SUPT3H: variants seen among roughly 807,000 people sequenced by gnomAD.
SUPT3H encodes SPT3 homolog, SAGA and STAGA complex component.
SUPT3H carries 44 observed loss-of-function variants against 44.3 expected under a neutral mutation model. The ratio of observed to expected loss-of-function variants is 0.99; its 90% CI spans 0.78 to 1.28. The LOEUF (loss-of-function observed/expected upper bound fraction) is 1.28. Ranked by LOEUF, SUPT3H falls within the 50% of genes most tolerant of loss-of-function variation. The probability of loss-of-function intolerance (pLI) is 0.00; values close to 1 mark genes in which losing one functional copy is unlikely to be tolerated. For missense variants in SUPT3H, 380 were observed against 387.1 expected (o/e 0.98, Z 0.15); for synonymous variants, 124 against 125.6 (o/e 0.99, Z 0.09).
chr6:45,229,769 G>A (rs1444877509), intron 2 of SUPT3H, among the ~76,000 whole-genome samples: 1 of 151,436 alleles, frequency 6.6e-6, no homozygotes, highest in African/African-American at 2.5e-5. Flanking sequence ...AAAAAAAAGT[G>A]TAATGATCAA....
intron 10 of SUPT3H, among the ~76,000 whole-genome samples, chr6:44,909,658 A>AGG (rs1428747586): frequency 6.6e-6 from 1 of 152,148 alleles, no homozygotes; most frequent in Non-Finnish European, 1.5e-5. Context: ...GGCACCATGC[A>AGG]GGGGCCTGTT....
At chr6:45,081,470 T>A (rs1795802193) in intron 3 of SUPT3H, among the ~76,000 whole-genome samples, 1 of 152,164 alleles carries the variant, frequency 6.6e-6, no homozygotes, top group African/African-American at 2.4e-5. Flanking sequence ...ATTTATTCAT[T>A]TACTTATTGT....
chr6:45,182,185 A>G (rs1241973278), intron 2 of SUPT3H, among the ~76,000 whole-genome samples: 1 of 152,220 alleles, frequency 6.6e-6, no homozygotes, highest in Non-Finnish European at 1.5e-5. Flanking sequence ...TATTCTGAAG[A>G]AGCCACAACT....
chr6:45,225,248 C>T lies in SUPT3H; in HGVS notation c.102-119242G>A, dbSNP rs146930292. Among the ~76,000 whole-genome samples, 249 of 149,504 alleles carry T rather than the reference C, an allele frequency of 1.7e-3. 6 individuals carry two copies. The East Asian group carries it at 0.041, about 25-fold the overall frequency. ...GAGCCAAGATTTAGCTACTGCACTC[C>T]AGCCTGGACAACAAGAGCGAAACTC... On this transcript the variant is annotated intron_variant, in intron 2 of 10. Coordinates refer to ENST00000371459, the MANE Select transcript of SUPT3H (RefSeq NM_003599.4).
intron 2 of SUPT3H, among the ~76,000 whole-genome samples, chr6:45,317,227 CAAAAAAA>C (rs70996324): frequency 8.3e-5 from 3 of 36,094 alleles, no homozygotes; most frequent in South Asian, 1.4e-3. Flanking sequence ...GACTCTGTCT[CAAAAAAA>C]AAAAAAAAAA....
intron 3 of SUPT3H, among the ~76,000 whole-genome samples, chr6:45,070,148 T>C (rs1291262813): frequency 6.6e-6 from 1 of 152,108 alleles, no homozygotes; most frequent in Admixed American, 6.6e-5. Context: ...ATGAATCCAA[T>C]GATATATCAT....
At chr6:45,061,753 A>C (rs1320412019) in intron 3 of SUPT3H, among the ~76,000 whole-genome samples, 3 of 152,144 alleles carry the variant, frequency 2.0e-5, no homozygotes, top group Non-Finnish European at 2.9e-5. Context: ...TCAATATCAG[A>C]CTAATATTTT....
intron 3 of SUPT3H, among the ~76,000 whole-genome samples, chr6:45,093,274 G>A (rs1037023967): frequency 6.6e-5 from 10 of 151,896 alleles, no homozygotes; most frequent in African/African-American, 1.2e-4. Flanking sequence ...TTAAAATTTT[G>A]TAAGTTAAAA....
chr6:45,288,569 A>ATATATATATATATGTATATATATATATG (rs1779733650), intron 2 of SUPT3H, among the ~76,000 whole-genome samples: 1 of 35,272 alleles, frequency 2.8e-5, no homozygotes, highest in Non-Finnish European at 6.6e-5. Context: ...ATATATGTAT[A>ATATATATATATATGTATATATATATATG]TATATATATA....
At chr6:45,043,142 TACACACACACAC>T (rs59321114) in intron 3 of SUPT3H, among the ~76,000 whole-genome samples, 4 of 146,768 alleles carry the variant, frequency 2.7e-5, no homozygotes, top group Admixed American at 6.8e-5. Context: ...CATACACACA[TACACACACACAC>T]ACACACACAC....
chr6:45,171,319 T>C (rs1316264723), intron 2 of SUPT3H, among the ~76,000 whole-genome samples: 1 of 152,226 alleles, frequency 6.6e-6, no homozygotes, highest in Non-Finnish European at 1.5e-5. Flanking sequence ...ATACCTTATT[T>C]AACATTATAA....
chr6:45,295,547 A>AC lies in SUPT3H; in HGVS notation c.101+69653_101+69654insG, dbSNP rs1562898045. Among the ~76,000 whole-genome samples the AC allele has an allele frequency of 2.8e-3, 364 of 128,442 alleles. 6 individuals carry two copies. The highest frequency in any genetic ancestry group is 9.9e-3 in the African/African-American group (333 of 33,726). The allele number at this position is 128,442 out of a possible 152,430, so 84.3% of individuals were successfully genotyped here. A position where few individuals can be genotyped will look rare whatever the true frequency, so the allele number is the denominator to read the frequency against. On this transcript the variant is annotated intron_variant, in intron 2 of 10. Transcript: ENST00000371459. Reference sequence around the variant, plus strand: ...AGCAAAAAAAAAAAAAAAAAAAAAAAAAAAAAACAGCAGAGTCAACAGACA... The same window carrying AC: ...AGCAAAAAAAAAAAAAAAAAAAAAAACAAAAAAACAGCAGAGTCAACAGACA...
At chr6:44,964,815 T>C (rs1308362861) in intron 6 of SUPT3H, among the ~76,000 whole-genome samples, 1 of 152,140 alleles carries the variant, frequency 6.6e-6, no homozygotes, top group African/African-American at 2.4e-5. Flanking sequence ...AGCAAAGACT[T>C]ATAGACAATA....
chr6:45,175,386 T>C (rs1228097848), intron 2 of SUPT3H, among the ~76,000 whole-genome samples: 1 of 152,052 alleles, frequency 6.6e-6, no homozygotes, highest in Non-Finnish European at 1.5e-5. Flanking sequence ...GGCACTTTCT[T>C]CACAAGACAG....
At chr6:45,107,196 C>A (rs918962505) in intron 2 of SUPT3H, among the ~76,000 whole-genome samples, 1 of 151,986 alleles carries the variant, frequency 6.6e-6, no homozygotes, top group African/African-American at 2.4e-5. Flanking sequence ...ATGCTTTAAC[C>A]AGCAGTAGGG....
intron 6 of SUPT3H, among the ~76,000 whole-genome samples, chr6:44,976,918 C>G (rs1432752183): frequency 6.6e-6 from 1 of 152,146 alleles, no homozygotes; most frequent in African/African-American, 2.4e-5. Context: ...AGTGCAAAAC[C>G]TGTAATTATG....
At chr6:44,940,614 T>A (rs887853850) in intron 9 of SUPT3H, among the ~76,000 whole-genome samples, 4 of 152,160 alleles carry the variant, frequency 2.6e-5, no homozygotes, top group African/African-American at 9.6e-5. Flanking sequence ...ACCATTTGAC[T>A]AATGCTGTCA....
In SUPT3H at chr6:45,006,184, T is replaced by G. The variant is rs142047495; in HGVS notation, c.365-2392A>C. On this transcript the variant is annotated intron_variant, in intron 5 of 10. Transcript: ENST00000371459. ...ATTTGTGTATGCATTTATTTACCAT[T>G]TATTTGTTCATCGCATTATTTATAA... 4.2e-4 allele frequency among the ~76,000 whole-genome samples: 64 copies of G among 152,256 alleles called. 1 individual carries two copies. In the East Asian group the frequency reaches 0.012, roughly 29 times the overall value.
chr6:45,174,132 C>A (rs1811284864), intron 2 of SUPT3H, among the ~76,000 whole-genome samples: 1 of 152,142 alleles, frequency 6.6e-6, no homozygotes, highest in Non-Finnish European at 1.5e-5. Context: ...TGTGAAGAAA[C>A]CTGAAAAAGA....
Sources: gnomAD v4.1 joint callset for allele counts (sites outside exome capture counted in the v4.1 genomes callset) on GRCh38, gnomAD v4.1.1 for gene constraint, MANE v1.5 for transcripts, NCBI Gene and HGNC (gene_info 2026-07-23, HGNC 2026-07-21) for gene names.